Variants in LRRC4C observed in about 807,000 individuals in gnomAD.
LRRC4C encodes the protein leucine rich repeat containing 4C.
Under a neutral mutation model 33.6 loss-of-function variants are expected in LRRC4C, and 5 were observed. The observed-to-expected ratio is 0.15, with a 90% confidence interval of 0.08 to 0.31. The LOEUF (loss-of-function observed/expected upper bound fraction) is 0.31. Ranked by LOEUF, LRRC4C falls within the 10% of genes least tolerant of loss-of-function variation. The pLI is 1.00. For synonymous variants in LRRC4C, 329 were observed against 302.0 expected (o/e 1.09, Z -0.93); for missense variants, 560 against 796.7 (o/e 0.70, Z 3.58).
chr11:40,258,038 G>A (rs1413960310), intron 4 of LRRC4C, among the ~76,000 whole-genome samples: 6 of 152,162 alleles, frequency 3.9e-5, no homozygotes, highest in African/African-American at 1.4e-4. Flanking sequence ...TACAAGGTGG[G>A]CTGCTCTGTG....
chr11:41,145,295 A>G (rs1590744216), intron 1 of LRRC4C, among the ~76,000 whole-genome samples: 1 of 152,140 alleles, frequency 6.6e-6, no homozygotes, highest in East Asian at 1.9e-4. Context: ...TACTATTTTC[A>G]TTTGAGTTTA....
At chr11:40,634,995 T>TA (rs1963828502) in intron 3 of LRRC4C, among the ~76,000 whole-genome samples, 5 of 147,170 alleles carry the variant, frequency 3.4e-5, no homozygotes, top group Non-Finnish European at 7.6e-5. Flanking sequence ...TTTAGGAAAT[T>TA]TAAAAAAAAA....
At chr11:40,420,802 A>G (rs1742353773) in intron 3 of LRRC4C, among the ~76,000 whole-genome samples, 1 of 152,186 alleles carries the variant, frequency 6.6e-6, no homozygotes, top group Admixed American at 6.5e-5. Flanking sequence ...TCAAATGTTA[A>G]AGTCAATGCT....
At chr11:41,449,525 G>C (rs1955949883) in intron 1 of LRRC4C, among the ~76,000 whole-genome samples, 1 of 152,050 alleles carries the variant, frequency 6.6e-6, no homozygotes, top group Non-Finnish European at 1.5e-5. Context: ...CTACTGTGAG[G>C]GGTGAGTAAA....
At chr11:40,496,558 C>A (rs554174571) in intron 3 of LRRC4C, among the ~76,000 whole-genome samples, 3 of 152,044 alleles carry the variant, frequency 2.0e-5, no homozygotes, top group African/African-American at 7.2e-5. Context: ...TCCGCATAGA[C>A]CATCCTACTT....
intron 1 of LRRC4C, among the ~76,000 whole-genome samples, chr11:40,988,430 A>G (rs1853230953): frequency 6.6e-6 from 1 of 152,150 alleles, no homozygotes; most frequent in Non-Finnish European, 1.5e-5. Flanking sequence ...TCTTTGCTTC[A>G]GTCTGGAAAG....
intron 3 of LRRC4C, among the ~76,000 whole-genome samples, chr11:40,456,338 A>G (rs1052265749): frequency 3.3e-5 from 5 of 152,192 alleles, no homozygotes; most frequent in African/African-American, 4.8e-5. Flanking sequence ...ATGAGATACT[A>G]AGAATCCAAA....
chr11:40,271,438 A>G (rs1942690661), intron 4 of LRRC4C, among the ~76,000 whole-genome samples: 1 of 152,194 alleles, frequency 6.6e-6, no homozygotes, highest in Admixed American at 6.6e-5. Context: ...CTAACTTACT[A>G]CCTTTAAAAC....
intron 4 of LRRC4C, among the ~76,000 whole-genome samples, chr11:40,272,822 C>T (rs1942806785): frequency 6.6e-6 from 1 of 151,696 alleles, no homozygotes; most frequent in South Asian, 2.1e-4. Context: ...AGAGTGTAAA[C>T]CTATGATTCA....
intron 1 of LRRC4C, among the ~76,000 whole-genome samples, chr11:41,215,111 T>C (rs938779693): frequency 6.6e-6 from 1 of 150,638 alleles, no homozygotes; most frequent in Non-Finnish European, 1.5e-5. Flanking sequence ...AGTGTAAAGT[T>C]CAGTGGTTTT....
intron 3 of LRRC4C, among the ~76,000 whole-genome samples, chr11:40,456,897 G>A (rs1320439443): frequency 2.1e-5 from 3 of 141,994 alleles, no homozygotes; most frequent in Non-Finnish European, 4.6e-5. Flanking sequence ...AAGGGCGGGA[G>A]GGGAAAAGGA....
intron 1 of LRRC4C, among the ~76,000 whole-genome samples, chr11:41,240,716 T>A (rs1328363856): frequency 1.3e-5 from 2 of 152,142 alleles, no homozygotes; most frequent in African/African-American, 4.8e-5. Context: ...TTGGGATGAA[T>A]AGCATTCTGC....
chr11:40,657,575 A>G (rs1455948685), intron 2 of LRRC4C, among the ~76,000 whole-genome samples: 4 of 152,232 alleles, frequency 2.6e-5, no homozygotes, highest in African/African-American at 9.6e-5. Context: ...CAAAGAATGC[A>G]GCCTTTGTCT....
At chr11:40,233,792 C>T (rs1865367533) in intron 5 of LRRC4C, among the ~76,000 whole-genome samples, 1 of 152,026 alleles carries the variant, frequency 6.6e-6, no homozygotes, top group Non-Finnish European at 1.5e-5. Context: ...ATTGTTAAAA[C>T]ATAGGACTGG....
At position 41,281,502 on chromosome 11, in the gene LRRC4C, G is replaced by A. The variant is rs369593874; in HGVS notation, c.-496+177929C>T. Among the ~76,000 whole-genome samples the A allele has an allele frequency of 1.4e-4, 21 of 152,260 alleles. No homozygotes were observed. In the South Asian group the frequency reaches 3.5e-3, roughly 26 times the overall value. Reference sequence around the variant, plus strand: ...TGATACACTTGGCTTGTCACTGGACGAGAAAAAAGAATGGCATGATTATGT... The same window carrying A: ...TGATACACTTGGCTTGTCACTGGACAAGAAAAAAGAATGGCATGATTATGT... On this transcript the variant is annotated intron_variant, in intron 1 of 6. Transcript: ENST00000528697.
At chr11:40,221,230 C>T (rs769953201) in intron 5 of LRRC4C, among the ~76,000 whole-genome samples, 4 of 152,124 alleles carry the variant, frequency 2.6e-5, no homozygotes, top group Admixed American at 6.6e-5. Flanking sequence ...CTACAATAGT[C>T]CTTGGCATTC....
In LRRC4C at chr11:40,698,356, G is replaced by A. The variant is rs1465978035; in HGVS notation, c.-406-50078C>T. On this transcript the variant is annotated intron_variant, in intron 2 of 6. Transcript: ENST00000528697. ...CACTGAGGTTGAGGTTTCTTCATAC[G>A]CTTATTACTAACTTTTAATTCTTCT... Among the ~76,000 whole-genome samples the A allele has an allele frequency of 2.0e-5, 3 of 151,956 alleles. No individual in the cohort carries two copies. In the East Asian group the frequency reaches 5.8e-4, roughly 29 times the overall value.
chr11:40,423,555 A>G (rs1950604549), intron 3 of LRRC4C, among the ~76,000 whole-genome samples: 2 of 151,906 alleles, frequency 1.3e-5, no homozygotes, highest in African/African-American at 4.8e-5. Flanking sequence ...CGTGTTAGCC[A>G]GGATGGTCTC....
intron 3 of LRRC4C, among the ~76,000 whole-genome samples, chr11:40,348,382 G>A (rs1433422192): frequency 6.6e-6 from 1 of 152,026 alleles, no homozygotes; most frequent in African/African-American, 2.4e-5. Context: ...TATTGTTGAA[G>A]AAACAGACTT....
Sources: gnomAD v4.1 joint callset for allele counts (sites outside exome capture counted in the v4.1 genomes callset) on GRCh38, gnomAD v4.1.1 for gene constraint, MANE v1.5 for transcripts, NCBI Gene and HGNC (gene_info 2026-07-23, HGNC 2026-07-21) for gene names.